The following BRMS1L variants were observed in gnomAD, a reference collection of about 807,000 sequenced individuals.
BRMS1L encodes breast cancer metastasis-suppressor 1-like protein.
In BRMS1L, 23 loss-of-function variants were observed where a neutral mutation model predicts 50.3. The ratio of observed to expected loss-of-function variants is 0.46; its 90% CI spans 0.33 to 0.65. The LOEUF (loss-of-function observed/expected upper bound fraction) is 0.65, where lower values mean the gene tolerates loss of function less well. Ranked by LOEUF, BRMS1L falls within the 30% of genes least tolerant of loss-of-function variation. The probability of loss-of-function intolerance (pLI) is 0.02; values close to 1 mark genes in which losing one functional copy is unlikely to be tolerated. For synonymous variants in BRMS1L, 114 were observed against 126.9 expected, an observed-to-expected ratio of 0.90 and a Z score of 0.69; for missense variants, 286 against 386.1, an observed-to-expected ratio of 0.74 and a Z score of 2.17.
chr14:35,847,701 T>C (rs951302707), intron 4 of BRMS1L, among the ~76,000 whole-genome samples: 2 of 152,206 alleles, frequency 1.3e-5, no homozygotes, highest in African/African-American at 4.8e-5. Context: ...ACTTTATACC[T>C]GTTGAATAGC....
At chr14:35,869,500 G>T (rs1448311989) in intron 9 of BRMS1L, among the ~76,000 whole-genome samples, 1 of 151,412 alleles carries the variant, frequency 6.6e-6, no homozygotes, top group Non-Finnish European at 1.5e-5. Context: ...TTTTAACCTG[G>T]GTGACAGAGA....
intron 4 of BRMS1L, among the ~76,000 whole-genome samples, chr14:35,848,527 A>C (rs2142049972): frequency 6.6e-6 from 1 of 152,070 alleles, no homozygotes; most frequent in African/African-American, 2.4e-5. Flanking sequence ...ACCTTTCATA[A>C]TATTATCCTG....
Position 35,862,630 on chromosome 14 carries a change from T to G in BRMS1L, c.482T>G (p.Leu161Arg), listed in dbSNP as rs1429098273. ...CTATATGATACAGTCCAGAGTGAACTAGAGGAGAAGATAAGAAGGCTTGAA... is the reference window on the plus strand; with the variant it reads ...CTATATGATACAGTCCAGAGTGAACGAGAGGAGAAGATAAGAAGGCTTGAA... The part of the protein sequence containing the change: ...LLLYDTVQSE[L>R]EEKIRRLEED... The change falls in exon 5 of 10, where the codon CTA becomes CGA. Residue 161 changes from leucine (L) to arginine (R), a missense_variant. Leu to Arg is a moderately radical substitution (Grantham distance 102, BLOSUM62 -2). This residue lies in a region of BRMS1L where 160 missense variants were observed against 240.6 expected (regional missense o/e 0.66). Coordinates refer to ENST00000216807, the MANE Select transcript of BRMS1L (RefSeq NM_032352.4). 1 of 1,611,930 alleles carries G rather than the reference T, an allele frequency of 6.2e-7. No homozygotes were observed. The highest frequency in any genetic ancestry group is 8.5e-7 in the Non-Finnish European group (1 of 1,178,846).
chr14:35,863,275 TA>T (rs1273179034), intron 5 of BRMS1L, among the ~76,000 whole-genome samples: 2 of 152,186 alleles, frequency 1.3e-5, no homozygotes. Flanking sequence ...AGGAATAACT[TA>T]TTAATGATTA....
chr14:35,843,484 C>A (rs991627872), intron 4 of BRMS1L, among the ~76,000 whole-genome samples: 1 of 152,194 alleles, frequency 6.6e-6, no homozygotes, highest in Non-Finnish European at 1.5e-5. Flanking sequence ...CACTCTAAAC[C>A]CTGTTTGCCT....
chr14:35,833,179 A>C, intron 3 of BRMS1L, 74 bp downstream of exon 3: 1 of 1,452,030 alleles, frequency 6.9e-7, no homozygotes, highest in East Asian at 2.5e-5. Flanking sequence ...TTTATCAAGT[A>C]AGTGTTTTAT....
At chr14:35,863,297 G>A (rs899947503) in intron 5 of BRMS1L, among the ~76,000 whole-genome samples, 1 of 152,186 alleles carries the variant, frequency 6.6e-6, no homozygotes, top group Non-Finnish European at 1.5e-5. Context: ...GATCAGTCCA[G>A]TGTGAAATTG....
intron 1 of BRMS1L, among the ~76,000 whole-genome samples, chr14:35,827,285 T>G (rs2077859063): frequency 6.6e-6 from 1 of 152,222 alleles, no homozygotes; most frequent in East Asian, 1.9e-4. Context: ...TTTTCTTCCC[T>G]TCAGTTTTTT....
chr14:35,866,215 G>A (rs1238487408), intron 8 of BRMS1L, among the ~76,000 whole-genome samples: 2 of 151,780 alleles, frequency 1.3e-5, no homozygotes, highest in East Asian at 3.9e-4. Flanking sequence ...TTTTTTGGAA[G>A]TCTAAAATCA....
At chr14:35,828,560 A>C (rs1336099635) in intron 1 of BRMS1L, among the ~76,000 whole-genome samples, 8 of 111,164 alleles carry the variant, frequency 7.2e-5, no homozygotes, top group Admixed American at 3.1e-4. Context: ...TGCAACCTCC[A>C]CCTCCAGGGT....
chr14:35,840,625 C>A (rs2078051254), intron 4 of BRMS1L, among the ~76,000 whole-genome samples: 1 of 152,062 alleles, frequency 6.6e-6, no homozygotes, highest in Non-Finnish European at 1.5e-5. Context: ...GGAATTTATC[C>A]ATTTCTTCTA....
At chr14:35,865,124 A>AC in intron 7 of BRMS1L, 125 bp downstream of exon 7, 3 of 630,368 alleles carry the variant, frequency 4.8e-6, no homozygotes, top group Non-Finnish European at 5.3e-6. Flanking sequence ...ACATTTTTCT[A>AC]AGGCAATTTA....
chr14:35,855,346 C>T (rs917151826), intron 4 of BRMS1L, among the ~76,000 whole-genome samples: 3 of 152,152 alleles, frequency 2.0e-5, no homozygotes, highest in Non-Finnish European at 2.9e-5. Flanking sequence ...CCCACCTCAG[C>T]GTCCCAAAGC....
chr14:35,844,055 C>A (rs1320361501), intron 4 of BRMS1L, among the ~76,000 whole-genome samples: 1 of 152,164 alleles, frequency 6.6e-6, no homozygotes, highest in Non-Finnish European at 1.5e-5. Flanking sequence ...CTCAAGTGTC[C>A]CAGGTCAACT....
chr14:35,831,760 A>T (rs2077922249), intron 2 of BRMS1L, among the ~76,000 whole-genome samples: 1 of 152,152 alleles, frequency 6.6e-6, no homozygotes, highest in South Asian at 2.1e-4. Flanking sequence ...TCTCCATAAA[A>T]TATTTAAAAA....
Position 35,826,440 on chromosome 14 carries a change from C to T in BRMS1L, c.-77C>T, listed in dbSNP as rs1028275532. 33 of 1,541,670 alleles carry T rather than the reference C, an allele frequency of 2.1e-5. No individual in the cohort carries two copies. The Admixed American group carries it at 6.3e-4, about 29-fold the overall frequency. ...AGCTCGGTGGCTGGGTGGGTTGGGG[C>T]GTTCCGCGCGCCCTTCATTGAAGCG... On this transcript the variant is annotated 5_prime_UTR_variant, in exon 1 of 10. Coordinates refer to ENST00000216807, the MANE Select transcript of BRMS1L (RefSeq NM_032352.4).
intron 4 of BRMS1L, among the ~76,000 whole-genome samples, chr14:35,839,110 C>T (rs1347768852): frequency 6.6e-6 from 1 of 152,190 alleles, no homozygotes; most frequent in Admixed American, 6.6e-5. Flanking sequence ...TTTCCCAACA[C>T]CATTTATTAA....
intron 4 of BRMS1L, among the ~76,000 whole-genome samples, chr14:35,860,286 T>C (rs1464033570): frequency 6.6e-6 from 1 of 151,982 alleles, no homozygotes; most frequent in African/African-American, 2.4e-5. Flanking sequence ...TCTACCACCA[T>C]GTCTGGATAA....
At chr14:35,852,463 C>T (rs951161150) in intron 4 of BRMS1L, among the ~76,000 whole-genome samples, 14 of 152,298 alleles carry the variant, frequency 9.2e-5, no homozygotes, top group East Asian at 7.7e-4. Context: ...TTCCAGTCCA[C>T]GAACTCTGGT....
Sources: allele counts gnomAD v4.1 joint callset (sites outside exome capture counted in the v4.1 genomes callset), GRCh38; gene constraint gnomAD v4.1.1; regional missense constraint gnomAD v4.1.1; transcripts MANE v1.5; gene names NCBI Gene and HGNC (gene_info 2026-07-23, HGNC 2026-07-21).